Variants in ST6GALNAC3 observed in about 807,000 individuals in gnomAD.
ST6GALNAC3 encodes alpha-N-acetylgalactosaminide alpha-2,6-sialyltransferase 3.
ST6GALNAC3 carries 25 observed loss-of-function variants against 32.7 expected under a neutral mutation model. The observed-to-expected ratio is 0.76, with a 90% CI of 0.56 to 1.07. ST6GALNAC3 has a LOEUF of 1.07. ST6GALNAC3 is among the 50% of genes least tolerant of loss of function. The probability of loss-of-function intolerance (pLI) is 0.00; values close to 1 mark genes in which losing one functional copy is unlikely to be tolerated. For missense variants in ST6GALNAC3, 355 were observed against 382.4 expected (o/e 0.93, Z 0.60); for synonymous variants, 129 against 133.1 (o/e 0.97, Z 0.21).
chr1:76,289,946 AT>A (rs1282894974), intron 1 of ST6GALNAC3, among the ~76,000 whole-genome samples: 3 of 152,232 alleles, frequency 2.0e-5, no homozygotes, highest in African/African-American at 7.2e-5. Context: ...AATGGCTGTG[AT>A]AGATGTGGTG....
At chr1:76,403,229 A>G (rs1653564079) in intron 2 of ST6GALNAC3, among the ~76,000 whole-genome samples, 1 of 152,128 alleles carries the variant, frequency 6.6e-6, no homozygotes, top group Non-Finnish European at 1.5e-5. Context: ...ATAATTAAAA[A>G]TAACTCTGTA....
chr1:76,266,061 C>T (rs146772340), intron 1 of ST6GALNAC3, among the ~76,000 whole-genome samples: 2,019 of 152,278 alleles, frequency 0.013, 14 homozygotes, highest in Non-Finnish European at 0.023. Context: ...CTACGTTTTT[C>T]AGAGAAAGAA....
chr1:76,580,030 G>A (rs887086736), intron 3 of ST6GALNAC3, among the ~76,000 whole-genome samples: 4 of 151,576 alleles, frequency 2.6e-5, no homozygotes, highest in African/African-American at 9.7e-5. Context: ...TTATTCTTTG[G>A]TGACCAGTAG....
chr1:76,262,714 G>A (rs551448462), intron 1 of ST6GALNAC3, among the ~76,000 whole-genome samples: 5 of 152,098 alleles, frequency 3.3e-5, no homozygotes, highest in Admixed American at 6.5e-5. Flanking sequence ...ACAAACAAGC[G>A]GGTAGTAATT....
intron 1 of ST6GALNAC3, among the ~76,000 whole-genome samples, chr1:76,170,210 C>A (rs1000818760): frequency 1.3e-5 from 2 of 152,154 alleles, no homozygotes; most frequent in African/African-American, 4.8e-5. Flanking sequence ...GAATCCACTG[C>A]GGTGAAGGGG....
At chr1:76,091,002 C>G (rs1171567304) in intron 1 of ST6GALNAC3, among the ~76,000 whole-genome samples, 2 of 152,134 alleles carry the variant, frequency 1.3e-5, no homozygotes, top group Non-Finnish European at 2.9e-5. Flanking sequence ...ATTATGACAG[C>G]CTTGCAATTG....
At chr1:76,543,148 T>C (rs1253625225) in intron 3 of ST6GALNAC3, among the ~76,000 whole-genome samples, 4 of 152,206 alleles carry the variant, frequency 2.6e-5, no homozygotes, top group African/African-American at 9.7e-5. Context: ...CACATGTAAT[T>C]TTGACAAAGA....
At chr1:76,115,869 G>A (rs927637096) in intron 1 of ST6GALNAC3, among the ~76,000 whole-genome samples, 4 of 152,018 alleles carry the variant, frequency 2.6e-5, no homozygotes, top group African/African-American at 7.3e-5. Context: ...TTTAGGATTT[G>A]GCCTTGTTCA....
At chr1:76,356,547 T>C (rs1237941621) in intron 2 of ST6GALNAC3, among the ~76,000 whole-genome samples, 4 of 151,584 alleles carry the variant, frequency 2.6e-5, no homozygotes. Flanking sequence ...TTTGTTAATG[T>C]TGTTATGAGG....
chr1:76,323,601 C>T (rs1315366344), intron 2 of ST6GALNAC3, among the ~76,000 whole-genome samples: 5 of 152,184 alleles, frequency 3.3e-5, no homozygotes, highest in South Asian at 4.1e-4. Context: ...CTGTGCTAGG[C>T]TCTGAAATTG....
At chr1:76,455,252 A>G (rs1312279513) in intron 3 of ST6GALNAC3, among the ~76,000 whole-genome samples, 1 of 149,802 alleles carries the variant, frequency 6.7e-6, no homozygotes, top group Non-Finnish European at 1.5e-5. Flanking sequence ...TTTTTTTTCT[A>G]TTTCCTTGTT....
At chr1:76,290,905 A>T (rs1660044781) in intron 1 of ST6GALNAC3, among the ~76,000 whole-genome samples, 7 of 152,054 alleles carry the variant, frequency 4.6e-5, no homozygotes, top group Admixed American at 4.6e-4. Flanking sequence ...ATCCACACAT[A>T]CCTGTCCTGA....
chr1:76,468,453 T>A lies in ST6GALNAC3; in HGVS notation c.623+56036T>A, dbSNP rs564808458. Among the ~76,000 whole-genome samples, 161 of 152,178 alleles carry A rather than the reference T, an allele frequency of 1.1e-3. 1 individual carries two copies. The highest frequency in any genetic ancestry group is 1.9e-3 in the Non-Finnish European group (130 of 67,954). On this transcript the variant is annotated intron_variant, in intron 3 of 4. Transcript: ENST00000328299. The stretch of plus-strand genomic sequence containing the variant: ...CCTGAAAACGAGAATGCTGTAATTT[T>A]TCTTTGTGAAGCTCAAACATATATT...
At chr1:76,315,459 G>A (rs538218698) in intron 2 of ST6GALNAC3, among the ~76,000 whole-genome samples, 2 of 152,238 alleles carry the variant, frequency 1.3e-5, no homozygotes, top group South Asian at 4.1e-4. Context: ...TGATTTCGGA[G>A]TGTGAAAGGA....
intron 1 of ST6GALNAC3, among the ~76,000 whole-genome samples, chr1:76,173,705 C>G (rs1652668449): frequency 1.3e-5 from 2 of 152,206 alleles, no homozygotes; most frequent in East Asian, 3.8e-4. Flanking sequence ...CAAAAGAAGA[C>G]ATTTATGTGG....
At chr1:76,439,803 T>G (rs1319896778) in intron 3 of ST6GALNAC3, among the ~76,000 whole-genome samples, 1 of 151,742 alleles carries the variant, frequency 6.6e-6, no homozygotes, top group Non-Finnish European at 1.5e-5. Flanking sequence ...AATACAAGAG[T>G]CTACAGTAGA....
At position 76,487,513 on chromosome 1, in the gene ST6GALNAC3, C is replaced by T. The variant is rs188863034; in HGVS notation, c.623+75096C>T. 5.9e-5 allele frequency among the ~76,000 whole-genome samples: 9 copies of T among 152,274 alleles called. No individual in the cohort carries two copies. The South Asian group carries it at 1.0e-3, about 18-fold the overall frequency. On this transcript the variant is annotated intron_variant, in intron 3 of 4. Coordinates refer to ENST00000328299, the MANE Select transcript of ST6GALNAC3 (RefSeq NM_152996.4). The stretch of plus-strand genomic sequence containing the variant: ...ACTGTTACCCTTTCTTCCAGTTGAT[C>T]GAATCGGCTACTGAAGCTTGTGCAT...
At position 76,539,356 on chromosome 1, in the gene ST6GALNAC3, A is replaced by G. The variant is rs1170137810; in HGVS notation, c.624-88096A>G. ...GGACTCCTTCGTTACACTTTATTCA[A>G]AAATTAACTCAAGATGGATTAAAGA... On this transcript the variant is annotated intron_variant, in intron 3 of 4. Transcript: ENST00000328299. 3.3e-5 allele frequency among the ~76,000 whole-genome samples: 5 copies of G among 152,348 alleles called. No individual in the cohort carries two copies. The East Asian group carries it at 9.6e-4, about 29-fold the overall frequency.
chr1:76,573,991 T>C lies in ST6GALNAC3; in HGVS notation c.624-53461T>C, dbSNP rs78332538. ...GAAAATGTTCAAAATTCAATAAATA[T>C]TCATTGAACACCTACTATGTGCTAA... On this transcript the variant is annotated intron_variant, in intron 3 of 4. Coordinates refer to ENST00000328299, the MANE Select transcript of ST6GALNAC3 (RefSeq NM_152996.4). Among the ~76,000 whole-genome samples, 732 of 152,156 alleles carry C rather than the reference T, an allele frequency of 4.8e-3. 4 individuals are homozygous for C. Among genetic ancestry groups the C allele is most frequent in the Non-Finnish European group, 7.8e-3 (531 of 67,964 alleles).
Sources: allele counts gnomAD v4.1 joint callset (sites outside exome capture counted in the v4.1 genomes callset), GRCh38; gene constraint gnomAD v4.1.1; transcripts MANE v1.5; gene names NCBI Gene and HGNC (gene_info 2026-07-23, HGNC 2026-07-21).